Variants in NELL2 observed in about 807,000 individuals in gnomAD.
NELL2 encodes protein kinase C-binding protein NELL2.
A neutral mutation model predicts 109.6 loss-of-function variants in NELL2; 41 were observed. That is an observed-to-expected ratio of 0.37 (90% CI 0.29 to 0.49). The LOEUF (loss-of-function observed/expected upper bound fraction) is 0.49. Among genes scored for constraint, NELL2 ranks in the 20% least tolerant of loss-of-function variants. The pLI is 0.98. For synonymous variants in NELL2, 355 were observed against 344.7 expected, an observed-to-expected ratio of 1.03 and a Z score of -0.33; for missense variants, 900 against 1,008.3, an observed-to-expected ratio of 0.89 and a Z score of 1.45.
chr12:44,675,477 A>G (rs770415963), intron 12 of NELL2, among the ~76,000 whole-genome samples: 1 of 152,180 alleles, frequency 6.6e-6, no homozygotes, highest in East Asian at 1.9e-4. Context: ...TTGCCCCAGG[A>G]TAATTCAAGC....
At chr12:44,741,644 C>A (rs1301678563) in intron 9 of NELL2, among the ~76,000 whole-genome samples, 3 of 152,220 alleles carry the variant, frequency 2.0e-5, no homozygotes, top group Non-Finnish European at 2.9e-5. Context: ...AAATGGCACA[C>A]CAGGAGATTA....
intron 12 of NELL2, among the ~76,000 whole-genome samples, chr12:44,669,838 A>G: frequency 6.6e-6 from 1 of 152,208 alleles, no homozygotes; most frequent in East Asian, 1.9e-4. Flanking sequence ...TGCATCAAAA[A>G]CTTATTTAAC....
Position 44,610,950 on chromosome 12 carries a change from T to C in NELL2, c.1465A>G (p.Asn489Asp), listed in dbSNP as rs779900011. 2 of 1,612,696 alleles carry C rather than the reference T, an allele frequency of 1.2e-6. No homozygotes were observed. The highest frequency in any genetic ancestry group is 1.7e-6 in the Non-Finnish European group (2 of 1,179,012). Residue 489 changes from asparagine to aspartate, a missense_variant, in exon 14 of 20, where the codon AAT becomes GAT. Transcript: ENST00000429094. The stretch of plus-strand genomic sequence containing the variant: ...GCATTTTCATCACAGTTGTGCTGAT[T>C]TGTGATACACTCATCATGTTCTGAA... ...SCTEHDECIT[N>D]QHNCDENALC...
At chr12:44,890,944 G>T (rs1258332738) in intron 1 of NELL2, among the ~76,000 whole-genome samples, 1 of 152,068 alleles carries the variant, frequency 6.6e-6, no homozygotes, top group African/African-American at 2.4e-5. Context: ...TAGCAAGGCT[G>T]GTCTTGAACT....
chr12:44,697,492 G>A (rs114461236), intron 12 of NELL2, among the ~76,000 whole-genome samples: 57 of 152,270 alleles, frequency 3.7e-4, no homozygotes, highest in African/African-American at 1.3e-3. Context: ...CACACAGACT[G>A]TGGCCCCAGT....
At chr12:44,806,591 A>G (rs906471471) in intron 3 of NELL2, among the ~76,000 whole-genome samples, 4 of 151,794 alleles carry the variant, frequency 2.6e-5, no homozygotes, top group African/African-American at 9.7e-5. Context: ...CATATAGAAA[A>G]TAGCCATACT....
chr12:44,521,486 T>C (rs1415104760), intron 18 of NELL2, among the ~76,000 whole-genome samples: 69 of 145,570 alleles, frequency 4.7e-4, no homozygotes, highest in South Asian at 2.4e-3. Flanking sequence ...GCCGAGATGG[T>C]GCCACTGCAC....
At chr12:44,793,319 T>C (rs2136635548) in intron 3 of NELL2, among the ~76,000 whole-genome samples, 1 of 152,302 alleles carries the variant, frequency 6.6e-6, no homozygotes, top group Non-Finnish European at 1.5e-5. Flanking sequence ...TTTTATCTTC[T>C]TGTTTAACAA....
chr12:44,848,944 C>G (rs1944453267), intron 2 of NELL2, among the ~76,000 whole-genome samples: 1 of 152,142 alleles, frequency 6.6e-6, no homozygotes, highest in Non-Finnish European at 1.5e-5. Context: ...CCTCAGTACC[C>G]CTCATAATCT....
intron 12 of NELL2, among the ~76,000 whole-genome samples, chr12:44,688,391 C>T (rs947589128): frequency 2.0e-5 from 3 of 152,138 alleles, no homozygotes; most frequent in African/African-American, 4.8e-5. Context: ...GATACACTGA[C>T]AATAATAAAT....
At chr12:44,701,390 T>C (rs139361312) in intron 12 of NELL2, among the ~76,000 whole-genome samples, 141 of 152,262 alleles carry the variant, frequency 9.3e-4, no homozygotes, top group African/African-American at 3.0e-3. Flanking sequence ...TCTGTCATTG[T>C]ATAGTGCATT....
At chr12:44,820,536 G>A (rs531054818) in intron 2 of NELL2, among the ~76,000 whole-genome samples, 12 of 151,454 alleles carry the variant, frequency 7.9e-5, no homozygotes, top group African/African-American at 2.9e-4. Context: ...GTGAACCCAG[G>A]AGGCGGAGCT....
intron 1 of NELL2, among the ~76,000 whole-genome samples, chr12:44,894,061 A>T (rs1945566254): frequency 6.6e-6 from 1 of 152,226 alleles, no homozygotes; most frequent in South Asian, 2.1e-4. Flanking sequence ...GAGAAATTCT[A>T]CACATTGTTC....
chr12:44,608,905 C>CAT (rs1047976713), intron 14 of NELL2, among the ~76,000 whole-genome samples: 24 of 148,944 alleles, frequency 1.6e-4, no homozygotes, highest in Admixed American at 8.1e-4. Flanking sequence ...TATATATATA[C>CAT]ATATATATAT....
At chr12:44,623,354 C>T (rs984943044) in intron 13 of NELL2, among the ~76,000 whole-genome samples, 5 of 151,906 alleles carry the variant, frequency 3.3e-5, no homozygotes, top group African/African-American at 1.2e-4. Flanking sequence ...TTGTTCTGCT[C>T]GAGTGGCAGG....
chr12:44,673,403 C>G (rs1325049952), intron 12 of NELL2, among the ~76,000 whole-genome samples: 1 of 152,154 alleles, frequency 6.6e-6, no homozygotes, highest in Non-Finnish European at 1.5e-5. Context: ...TGAGTATATT[C>G]TATGTACAAA....
intron 19 of NELL2, among the ~76,000 whole-genome samples, chr12:44,519,449 T>A (rs1941419717): frequency 1.3e-5 from 2 of 152,200 alleles, no homozygotes; most frequent in South Asian, 4.1e-4. Flanking sequence ...GAAAGAGCTT[T>A]GTAATGGTTT....
rs1409119624 is a variant in NELL2 at position 44,610,986 on chromosome 12, C to G, written c.1445-16G>C. 6.2e-7 allele frequency: 1 copy of G among 1,609,450 alleles called. No homozygotes were observed. Among genetic ancestry groups the G allele is most frequent in the Non-Finnish European group, 8.5e-7 (1 of 1,176,788 alleles). On this transcript the variant is annotated splice_polypyrimidine_tract_variant and intron_variant, in intron 13 of 19. Transcript: ENST00000429094. ...TCATCATGTTCTGAAATGAGGAATA[C>G]AATTTTGTTACTCAAAGTTATATTT...
chr12:44,595,027 T>A (rs745655621), intron 15 of NELL2, among the ~76,000 whole-genome samples: 16 of 152,224 alleles, frequency 1.1e-4, no homozygotes, highest in Non-Finnish European at 2.2e-4. Context: ...ATCTGTGTTT[T>A]AATTAATTTA....
Sources: allele counts gnomAD v4.1 joint callset (sites outside exome capture counted in the v4.1 genomes callset), GRCh38; gene constraint gnomAD v4.1.1; transcripts MANE v1.5; gene names NCBI Gene and HGNC (gene_info 2026-07-23, HGNC 2026-07-21).